ZNF536: variants seen among roughly 807,000 people sequenced by gnomAD.
ZNF536 encodes the protein zinc finger protein 536.
A neutral mutation model predicts 84.5 loss-of-function variants in ZNF536; 13 were observed. The observed-to-expected ratio is 0.15, with a 90% CI of 0.10 to 0.24. The LOEUF is 0.24. Ranked by LOEUF, ZNF536 falls within the 10% of genes least tolerant of loss-of-function variation. The pLI is 1.00. For synonymous variants in ZNF536, 811 were observed against 742.5 expected, an observed-to-expected ratio of 1.09 and a Z score of -1.50; for missense variants, 1,536 against 1,747.5, an observed-to-expected ratio of 0.88 and a Z score of 2.16.
chr19:30,315,901 A>C (rs1296456624), intron 2 of ZNF536, among the ~76,000 whole-genome samples: 2 of 152,144 alleles, frequency 1.3e-5, no homozygotes, highest in African/African-American at 4.8e-5. Flanking sequence ...CCTGAGACTT[A>C]CTTTTTTTAA....
chr19:30,283,894 G>A (rs570466268), intron 1 of ZNF536, among the ~76,000 whole-genome samples: 103 of 152,298 alleles, frequency 6.8e-4, no homozygotes, highest in Middle Eastern at 6.8e-3. Flanking sequence ...TTGCAGCAAA[G>A]GTCACATAGT....
chr19:30,573,785 C>A (rs970654020), intron 1 of ZNF536, among the ~76,000 whole-genome samples: 2 of 152,162 alleles, frequency 1.3e-5, no homozygotes, highest in Admixed American at 1.3e-4. Context: ...AGTTAAGCCA[C>A]CTTGGAGAGA....
chr19:30,415,846 G>A (rs1159562894), intron 1 of ZNF536, among the ~76,000 whole-genome samples: 1 of 152,128 alleles, frequency 6.6e-6, no homozygotes, highest in African/African-American at 2.4e-5. Context: ...TCCTGACCTC[G>A]TGATCTGCCT....
chr19:30,482,326 C>A (rs558925689), intron 2 of ZNF536, among the ~76,000 whole-genome samples: 47 of 152,284 alleles, frequency 3.1e-4, no homozygotes, highest in African/African-American at 1.1e-3. Context: ...CTGATTTTAT[C>A]CTGCAGTAGA....
intron 2 of ZNF536, among the ~76,000 whole-genome samples, chr19:30,508,045 C>G (rs1393448327): frequency 6.6e-6 from 1 of 152,140 alleles, no homozygotes; most frequent in Non-Finnish European, 1.5e-5. Flanking sequence ...ATGAGTGAGG[C>G]CTCTCCCAGA....
At chr19:30,621,550 C>A (rs1003765586) in intron 1 of ZNF536, among the ~76,000 whole-genome samples, 8 of 152,198 alleles carry the variant, frequency 5.3e-5, no homozygotes, top group African/African-American at 1.9e-4. Context: ...TCTTTGAAAG[C>A]TATGCAGGGT....
At chr19:30,254,387 G>C (rs2024793385) in intron 1 of ZNF536, among the ~76,000 whole-genome samples, 1 of 152,160 alleles carries the variant, frequency 6.6e-6, no homozygotes, top group Non-Finnish European at 1.5e-5. Flanking sequence ...AATGTTATGG[G>C]TGGTTGAGAG....
chr19:30,344,164 C>A (rs1266432419), intron 2 of ZNF536, among the ~76,000 whole-genome samples: 1 of 151,346 alleles, frequency 6.6e-6, no homozygotes, highest in Non-Finnish European at 1.5e-5. Context: ...ACAAGGACAG[C>A]CAGTGGCCCA....
intron 1 of ZNF536, among the ~76,000 whole-genome samples, chr19:30,596,734 A>G (rs2047477470): frequency 6.6e-6 from 1 of 151,970 alleles, no homozygotes; most frequent in Non-Finnish European, 1.5e-5. Flanking sequence ...TCGGCCGTGC[A>G]ATATTTAAGG....
chr19:30,337,423 G>A (rs1034622112), intron 2 of ZNF536, among the ~76,000 whole-genome samples: 3 of 152,128 alleles, frequency 2.0e-5, no homozygotes, highest in South Asian at 2.1e-4. Context: ...TCCCTTTGCC[G>A]AACTTAGGAT....
chr19:30,497,134 C>T (rs549733447), intron 2 of ZNF536, among the ~76,000 whole-genome samples: 7 of 152,290 alleles, frequency 4.6e-5, no homozygotes, highest in East Asian at 1.9e-4. Flanking sequence ...GAGACACTGG[C>T]GGCCACAATG....
chr19:30,386,578 A>G (rs1019906815), intron 1 of ZNF536, among the ~76,000 whole-genome samples: 4 of 152,150 alleles, frequency 2.6e-5, no homozygotes, highest in African/African-American at 9.7e-5. Flanking sequence ...GGGTCTCAGT[A>G]TGTTCCCCAG....
intron 2 of ZNF536, among the ~76,000 whole-genome samples, chr19:30,516,561 C>T (rs186835105): frequency 4.6e-5 from 7 of 152,278 alleles, no homozygotes; most frequent in African/African-American, 1.2e-4. Flanking sequence ...ATGATAATGG[C>T]GCCTTTCACC....
chr19:30,523,262 T>C (rs558159871), intron 2 of ZNF536, among the ~76,000 whole-genome samples: 24 of 152,332 alleles, frequency 1.6e-4, no homozygotes, highest in Admixed American at 1.5e-3. Context: ...GACGCGTTGC[T>C]TTGGCAATAT....
chr19:30,537,507 G>T (rs909596857), intron 3 of ZNF536, among the ~76,000 whole-genome samples: 1 of 152,218 alleles, frequency 6.6e-6, no homozygotes, highest in South Asian at 2.1e-4. Flanking sequence ...CTTGCAGGGT[G>T]TAAGAGTCAG....
chr19:30,469,306 G>T (rs1045187533), intron 2 of ZNF536, among the ~76,000 whole-genome samples: 1 of 152,102 alleles, frequency 6.6e-6, no homozygotes, highest in South Asian at 2.1e-4. Flanking sequence ...CAGTTACTCA[G>T]GAGGCTGAGG....
intron 3 of ZNF536, among the ~76,000 whole-genome samples, chr19:30,542,310 T>C (rs2045362029): frequency 6.6e-6 from 1 of 152,196 alleles, no homozygotes; most frequent in Admixed American, 6.5e-5. Context: ...TTATAAAAGA[T>C]ATGAGCATGT....
chr19:30,542,606 G>A (rs2045375188), intron 3 of ZNF536, among the ~76,000 whole-genome samples: 1 of 152,116 alleles, frequency 6.6e-6, no homozygotes, highest in Non-Finnish European at 1.5e-5. Context: ...AATATAGTGA[G>A]AGGTTTCCCC....
At chr19:30,658,735 T>C (rs1311241826) in intron 1 of ZNF536, among the ~76,000 whole-genome samples, 5 of 152,020 alleles carry the variant, frequency 3.3e-5, no homozygotes, top group Admixed American at 1.3e-4. Context: ...CTGGTCTGAC[T>C]CTCCCACCGA....
Sources: allele counts gnomAD v4.1 joint callset (sites outside exome capture counted in the v4.1 genomes callset), GRCh38; gene constraint gnomAD v4.1.1; transcripts MANE v1.5; gene names NCBI Gene and HGNC (gene_info 2026-07-23, HGNC 2026-07-21).